The following P3H2 variants were observed in gnomAD, a reference collection of about 807,000 sequenced individuals.
P3H2 encodes the protein prolyl 3-hydroxylase 2.
Under a neutral mutation model 87.0 loss-of-function variants are expected in P3H2, and 80 were observed. That is an observed-to-expected ratio of 0.92 (90% CI 0.77 to 1.11). P3H2 has a LOEUF of 1.11. Ranked by LOEUF, P3H2 falls within the 50% of genes least tolerant of loss-of-function variation. The pLI, the probability that P3H2 is intolerant of heterozygous loss-of-function variation, is 0.00. For synonymous variants in P3H2, 367 were observed against 359.3 expected (o/e 1.02, Z -0.24); for missense variants, 1,001 against 923.9 (o/e 1.08, Z -1.08).
intron 8 of P3H2, among the ~76,000 whole-genome samples, chr3:189,978,645 C>T (rs1347240273): frequency 6.6e-6 from 1 of 151,562 alleles, no homozygotes; most frequent in African/African-American, 2.4e-5. Flanking sequence ...ATATTTTCCA[C>T]ACGTACATTT....
At position 189,957,658 on chromosome 3, in the gene P3H2, T is replaced by C. The variant is rs1339402786; in HGVS notation, c.*254A>G. 1.9e-6 allele frequency: 1 copy of C among 527,308 alleles called. No homozygotes were observed. Among genetic ancestry groups the C allele is most frequent in the African/African-American group, 1.9e-5 (1 of 52,236 alleles). 32.7% of individuals were successfully genotyped at this position (527,308 alleles called of 1,614,324 possible). ...TATCATCACATCTGTGAATAGCCACTGCCCTATATCCTAGACAACATGGTT... is the reference window on the plus strand; with the variant it reads ...TATCATCACATCTGTGAATAGCCACCGCCCTATATCCTAGACAACATGGTT... On this transcript the variant is annotated 3_prime_UTR_variant, in exon 15 of 15. Transcript: ENST00000319332.
intron 1 of P3H2, among the ~76,000 whole-genome samples, chr3:190,036,482 C>T (rs905067474): frequency 1.4e-4 from 3 of 21,202 alleles, no homozygotes; most frequent in Admixed American, 1.3e-3. Context: ...ACTTTATAGT[C>T]GACATGATAA....
intron 1 of P3H2, among the ~76,000 whole-genome samples, chr3:190,117,916 C>T (rs980805871): frequency 2.6e-5 from 4 of 152,130 alleles, no homozygotes; most frequent in South Asian, 2.1e-4. Flanking sequence ...AGGGAGAAGA[C>T]GCAAGACTTG....
chr3:189,973,859 C>A (rs185072909), intron 10 of P3H2, 50 bp downstream of exon 10: 25 of 1,376,926 alleles, frequency 1.8e-5, no homozygotes, highest in African/African-American at 5.7e-5. Flanking sequence ...TTTACAGAAG[C>A]CTTAGGCTGA....
At chr3:189,974,208 A>G (rs1723275905) in intron 9 of P3H2, 1 of 604,782 alleles carries the variant, frequency 1.7e-6, no homozygotes, top group Non-Finnish European at 2.9e-6. Flanking sequence ...ATTATCAAAT[A>G]CTGTCACTTT....
chr3:190,079,160 G>A (rs139039024), intron 1 of P3H2, among the ~76,000 whole-genome samples: 5,452 of 152,028 alleles, frequency 0.036, 321 homozygotes, highest in African/African-American at 0.12. Flanking sequence ...GGCCAACATG[G>A]TGAAACCCTG....
chr3:189,966,295 A>G (rs1723004985), intron 13 of P3H2, among the ~76,000 whole-genome samples: 1 of 152,218 alleles, frequency 6.6e-6, no homozygotes, highest in African/African-American at 2.4e-5. Context: ...GCATTTGCCA[A>G]TGTTTCTATG....
intron 1 of P3H2, among the ~76,000 whole-genome samples, chr3:190,063,705 T>C (rs879600402): frequency 6.6e-6 from 1 of 152,108 alleles, no homozygotes; most frequent in African/African-American, 2.4e-5. Flanking sequence ...GTAATTACAA[T>C]GTTTATTTTT....
intron 1 of P3H2, among the ~76,000 whole-genome samples, chr3:190,093,959 T>C (rs1040081428): frequency 3.3e-5 from 5 of 152,126 alleles, no homozygotes; most frequent in Non-Finnish European, 5.9e-5. Flanking sequence ...CACATCCTTT[T>C]CCCATTATCA....
At position 190,091,999 on chromosome 3, in the gene P3H2, G is replaced by A. The variant is rs970472851; in HGVS notation, c.480+28253C>T. Among the ~76,000 whole-genome samples the A allele has an allele frequency of 1.2e-4, 19 of 152,262 alleles. No homozygotes were observed. The Middle Eastern group carries it at 0.01, about 82-fold the overall frequency. Reference sequence around the variant, plus strand: ...TATAATCCCAGCACTTTGGGAGGCCGAGGTGGGTGGATCACCTGAGGTCAG... The same window carrying A: ...TATAATCCCAGCACTTTGGGAGGCCAAGGTGGGTGGATCACCTGAGGTCAG... On this transcript the variant is annotated intron_variant, in intron 1 of 14. Coordinates refer to ENST00000319332, the MANE Select transcript of P3H2 (RefSeq NM_018192.4).
intron 1 of P3H2, among the ~76,000 whole-genome samples, chr3:190,058,476 T>C (rs561357682): frequency 3.9e-5 from 6 of 152,116 alleles, no homozygotes; most frequent in Non-Finnish European, 8.8e-5. Flanking sequence ...TGGGTCAAAG[T>C]TGTAAAATGG....
chr3:189,972,034 C>T (rs750314547), intron 11 of P3H2, 27 bp from the exon 12 acceptor site: 28 of 1,409,816 alleles, frequency 2.0e-5, no homozygotes, highest in South Asian at 8.1e-5. Context: ...TAGGGAAGAA[C>T]GAGAAATGAA....
intron 1 of P3H2, among the ~76,000 whole-genome samples, chr3:190,010,216 A>T (rs1054403463): frequency 1.8e-4 from 27 of 152,220 alleles, no homozygotes; most frequent in African/African-American, 6.5e-4. Context: ...AGATATTCAT[A>T]TCCCAATTTT....
chr3:190,080,512 T>C (rs914780253), intron 1 of P3H2, among the ~76,000 whole-genome samples: 1 of 152,152 alleles, frequency 6.6e-6, no homozygotes, highest in African/African-American at 2.4e-5. Context: ...GTGATTCTCC[T>C]GCTTCAGCCT....
chr3:190,037,412 C>G (rs1725459646), intron 1 of P3H2, among the ~76,000 whole-genome samples: 1 of 152,058 alleles, frequency 6.6e-6, no homozygotes, highest in Non-Finnish European at 1.5e-5. Context: ...TCATAGATCC[C>G]TAAGCTTCAG....
At chr3:190,083,341 C>T (rs1337924448) in intron 1 of P3H2, among the ~76,000 whole-genome samples, 1 of 152,040 alleles carries the variant, frequency 6.6e-6, no homozygotes, top group African/African-American at 2.4e-5. Context: ...TTATCCACAT[C>T]AAAGAAGGAA....
At chr3:190,050,099 TCATC>T (rs1235966217) in intron 1 of P3H2, among the ~76,000 whole-genome samples, 2 of 152,204 alleles carry the variant, frequency 1.3e-5, no homozygotes, top group African/African-American at 4.8e-5. Flanking sequence ...TCTAAAATGT[TCATC>T]CAGTCTCTGA....
intron 1 of P3H2, among the ~76,000 whole-genome samples, chr3:190,086,097 G>A (rs1479119362): frequency 2.0e-5 from 3 of 152,096 alleles, no homozygotes; most frequent in Non-Finnish European, 4.4e-5. Flanking sequence ...CATGACCCAA[G>A]CAACAAATGT....
chr3:190,047,105 A>T (rs2108958539), intron 1 of P3H2, among the ~76,000 whole-genome samples: 1 of 152,326 alleles, frequency 6.6e-6, no homozygotes, highest in Admixed American at 6.5e-5. Context: ...CATTTCTTAA[A>T]AGAAGACATA....
Sources: allele counts gnomAD v4.1 joint callset (sites outside exome capture counted in the v4.1 genomes callset), GRCh38; gene constraint gnomAD v4.1.1; transcripts MANE v1.5; gene names NCBI Gene and HGNC (gene_info 2026-07-23, HGNC 2026-07-21).